The following MTO1 variants were observed in gnomAD, a reference collection of about 807,000 sequenced individuals.
MTO1 encodes mitochondrial tRNA translation optimization 1.
Under a neutral mutation model 71.6 loss-of-function variants are expected in MTO1, and 46 were observed. That is an observed-to-expected ratio of 0.64 (90% CI 0.51 to 0.82). The LOEUF (loss-of-function observed/expected upper bound fraction) is 0.82, where lower values mean the gene tolerates loss of function less well. Ranked by LOEUF, MTO1 falls within the 40% of genes least tolerant of loss-of-function variation. The pLI is 0.00. For missense variants in MTO1, 773 were observed against 867.5 expected (o/e 0.89, Z 1.37); for synonymous variants, 297 against 312.1 (o/e 0.95, Z 0.51).
At chr6:73,492,012 G>A (rs977665568) in intron 9 of MTO1, 12 of 384,460 alleles carry the variant, frequency 3.1e-5, no homozygotes, top group Non-Finnish European at 5.4e-5. Flanking sequence ...TGAGGCAGGA[G>A]AATTGCTTGA....
intron 2 of MTO1, 23 bp downstream of exon 2, chr6:73,466,431 G>A (rs1770993886): frequency 6.2e-7 from 1 of 1,613,588 alleles, no homozygotes; most frequent in Admixed American, 1.7e-5. Flanking sequence ...CATGAGCACA[G>A]GAAAGATTAT....
intron 3 of MTO1, among the ~76,000 whole-genome samples, chr6:73,467,482 G>A (rs887742012): frequency 2.0e-5 from 3 of 151,644 alleles, no homozygotes; most frequent in Admixed American, 2.0e-4. Context: ...GTGTGGTGGC[G>A]CATGCTTGAA....
intron 4 of MTO1, among the ~76,000 whole-genome samples, chr6:73,474,311 C>G (rs1281239829): frequency 6.6e-6 from 1 of 152,066 alleles, no homozygotes; most frequent in Non-Finnish European, 1.5e-5. Flanking sequence ...TCTCGAACTC[C>G]TGACCTCGTG....
At chr6:73,492,205 A>T in intron 9 of MTO1, 29 bp from the exon 10 acceptor site, 1 of 1,398,230 alleles carries the variant, frequency 7.2e-7, no homozygotes, top group East Asian at 2.3e-5. Flanking sequence ...ATGGATCCTT[A>T]TGTTAATGAA....
At chr6:73,491,219 A>G (rs1561951418) in intron 9 of MTO1, among the ~76,000 whole-genome samples, 1 of 151,998 alleles carries the variant, frequency 6.6e-6, no homozygotes, top group Non-Finnish European at 1.5e-5. Context: ...GTGACTATCA[A>G]AAATTTCCAT....
At chr6:73,492,440 A>G (rs528364179) in intron 10 of MTO1, 88 bp downstream of exon 10, 13 of 865,730 alleles carry the variant, frequency 1.5e-5, no homozygotes, top group Non-Finnish European at 2.5e-5. Flanking sequence ...TTGGACCAGC[A>G]CAGTGTTAGC....
chr6:73,492,956 TA>T (rs1174126679), intron 10 of MTO1, among the ~76,000 whole-genome samples: 2 of 131,678 alleles, frequency 1.5e-5, no homozygotes, highest in African/African-American at 5.9e-5. Flanking sequence ...TAAATAAATA[TA>T]TATATAATAT....
At chr6:73,462,400 T>C (rs1770851412) in intron 1 of MTO1, 4 of 375,610 alleles carry the variant, frequency 1.1e-5, no homozygotes, top group South Asian at 3.9e-5. Context: ...CCTTCTACTA[T>C]GTTACTCCAG....
rs1272527669 is a variant in MTO1 at position 73,482,129 on chromosome 6, G to C, written c.1350G>C (p.Leu450Phe). Residue 450 changes from leucine (L) to phenylalanine (F), a missense_variant, in exon 8 of 12, where the codon TTG becomes TTC. Transcript: ENST00000498286. ...GAACAGAAGGTTACATAGGAGTCTT[G>C]ATTGATGACCTCACTACTCTGGGCA... ...VSRTEGYIGV[L>F]IDDLTTLGTS... is the part of the protein sequence containing the mutation. 3 of 1,614,166 alleles carry C rather than the reference G, an allele frequency of 1.9e-6. No individual in the cohort carries two copies. The highest frequency in any genetic ancestry group is 1.1e-5 in the South Asian group (1 of 91,084).
intron 4 of MTO1, among the ~76,000 whole-genome samples, chr6:73,475,642 G>A (rs1771292777): frequency 6.6e-6 from 1 of 151,834 alleles, no homozygotes. Flanking sequence ...AGTCTCTTAA[G>A]TAGCTGGGAT....
chr6:73,462,003 A>G lies in MTO1; in HGVS notation c.149A>G (p.Glu50Gly). The change falls in exon 1 of 12, where the codon GAG (glutamate) becomes GGG (glycine). Residue 50 changes from glutamate to glycine, a missense_variant. Coordinates refer to ENST00000498286, the MANE Select transcript of MTO1 (RefSeq NM_012123.4). Reference protein sequence around the residue: ...IVIGGGHAGTEAATAAARCGS... With the variant: ...IVIGGGHAGTGAATAAARCGS... ...ATTGGTGGAGGACATGCCGGGACTG[A>G]GGCAGCCACCGCCGCCGCTCGGTGC... 6.2e-7 allele frequency: 1 copy of G among 1,613,780 alleles called. No individual in the cohort carries two copies.
chr6:73,480,107 A>G lies in MTO1; in HGVS notation c.1110A>G (p.Lys370=). 1 of 1,614,018 alleles carries G rather than the reference A, an allele frequency of 6.2e-7. No homozygotes were observed. The highest frequency in any genetic ancestry group is 8.5e-7 in the Non-Finnish European group (1 of 1,179,972). Residue 370 remains lysine, a synonymous_variant, in exon 6 of 12, where the codon AAA becomes AAG. Coordinates refer to ENST00000498286, the MANE Select transcript of MTO1 (RefSeq NM_012123.4). ...KMITCIRGLE[K]AKVIQPGYGV... ...TCACATGCATCAGAGGCTTGGAGAA[A>G]GCTAAAGTGATTCAGCCAGGTAAAG...
chr6:73,503,328 G>A lies in MTO1; in HGVS notation c.*2593G>A, dbSNP rs1772212488. The stretch of plus-strand genomic sequence containing the variant: ...AAGTCTCACTATGTTGCCCAGGCTG[G>A]TCTTGAACTTCTGGCCTCAAATGAT... On this transcript the variant is annotated 3_prime_UTR_variant, in exon 12 of 12. Coordinates refer to ENST00000498286, the MANE Select transcript of MTO1 (RefSeq NM_012123.4). The A allele has an allele frequency of 6.6e-6, 1 of 152,282 alleles. No individual in the cohort carries two copies. The highest frequency in any genetic ancestry group is 1.5e-5 in the Non-Finnish European group (1 of 68,110). The allele number at this position is 152,282 out of a possible 1,614,324, so 9.4% of individuals were successfully genotyped here.
At chr6:73,467,108 G>A (rs1199178540) in intron 3 of MTO1, among the ~76,000 whole-genome samples, 1 of 152,072 alleles carries the variant, frequency 6.6e-6, no homozygotes, top group African/African-American at 2.4e-5. Context: ...GAGCCCCAGA[G>A]TTTGAGACCA....
intron 10 of MTO1, among the ~76,000 whole-genome samples, chr6:73,495,545 T>C (rs1458173479): frequency 6.6e-6 from 1 of 152,040 alleles, no homozygotes; most frequent in Non-Finnish European, 1.5e-5. Context: ...ATAAAGACTC[T>C]CATAACTATC....
At chr6:73,480,576 G>T in intron 6 of MTO1, 99 bp from the exon 7 acceptor site, 1 of 1,453,024 alleles carries the variant, frequency 6.9e-7, no homozygotes. Context: ...GACCTAAATA[G>T]TCTGTTTTTA....
chr6:73,462,618 A>C (rs534980640), intron 1 of MTO1, among the ~76,000 whole-genome samples: 14 of 151,982 alleles, frequency 9.2e-5, no homozygotes, highest in Admixed American at 9.2e-4. Flanking sequence ...AATCCCAGCT[A>C]CTCGGGAGTC....
chr6:73,477,393 C>CAAA (rs34672070), intron 4 of MTO1, among the ~76,000 whole-genome samples: 24 of 73,152 alleles, frequency 3.3e-4, no homozygotes, highest in Admixed American at 5.1e-4. Context: ...GACTATGTCT[C>CAAA]AAAAAAAAAA....
Position 73,490,472 on chromosome 6 carries a change from G to A in MTO1, c.1638-1762G>A, listed in dbSNP as rs971579107. On this transcript the variant is annotated intron_variant, in intron 9 of 11. Coordinates refer to ENST00000498286, the MANE Select transcript of MTO1 (RefSeq NM_012123.4). Reference sequence around the variant, plus strand: ...CATCTTGAATTAATTTTTGTATAAGGTGTAAGGAAGGGATCCAGTTTCAGC... The same window carrying A: ...CATCTTGAATTAATTTTTGTATAAGATGTAAGGAAGGGATCCAGTTTCAGC... Among the ~76,000 whole-genome samples the A allele has an allele frequency of 5.3e-5, 8 of 152,056 alleles. 1 individual carries two copies. The highest frequency in any genetic ancestry group is 5.2e-4 in the Admixed American group (8 of 15,242).
Sources: allele counts gnomAD v4.1 joint callset (sites outside exome capture counted in the v4.1 genomes callset), GRCh38; gene constraint gnomAD v4.1.1; transcripts MANE v1.5; gene names NCBI Gene and HGNC (gene_info 2026-07-23, HGNC 2026-07-21).